ATG7: variants seen among roughly 807,000 people sequenced by gnomAD.
ATG7 encodes autophagy related 7.
ATG7 carries 70 observed loss-of-function variants against 82.4 expected under a neutral mutation model. The ratio of observed to expected loss-of-function variants is 0.85; its 90% CI spans 0.70 to 1.04. The LOEUF is 1.04. ATG7 is among the 50% of genes least tolerant of loss of function. The probability of loss-of-function intolerance (pLI) is 0.00; values close to 1 mark genes in which losing one functional copy is unlikely to be tolerated. For synonymous variants in ATG7, 287 were observed against 313.0 expected, an observed-to-expected ratio of 0.92 and a Z score of 0.88; for missense variants, 792 against 864.3, an observed-to-expected ratio of 0.92 and a Z score of 1.05.
At chr3:11,529,074 G>A (rs79543581) in intron 20 of ATG7, among the ~76,000 whole-genome samples, 18 of 151,828 alleles carry the variant, frequency 1.2e-4, no homozygotes, top group African/African-American at 4.1e-4. Flanking sequence ...AAAAGGGGGC[G>A]GTACATTCAG....
chr3:11,291,336 A>G (rs1944950862), intron 3 of ATG7, among the ~76,000 whole-genome samples: 1 of 152,232 alleles, frequency 6.6e-6, no homozygotes. Flanking sequence ...GCTTGTGAAT[A>G]ATTGGTTATT....
chr3:11,556,283 GC>G lies in ATG7; in HGVS notation c.*1441del, dbSNP rs1478539793. On this transcript the variant is annotated 3_prime_UTR_variant, in exon 21 of 21. Coordinates refer to ENST00000693202, the MANE Select transcript of ATG7 (RefSeq NM_001349232.2). ...AGCCCCTTCTTAGAGCAGGGAGGGGGCTTTCTCAGTGAAATGTTTGGTTTTC... is the reference window on the plus strand; with the variant it reads ...AGCCCCTTCTTAGAGCAGGGAGGGGGTTTCTCAGTGAAATGTTTGGTTTTC... 6.5e-6 allele frequency: 1 copy of G among 152,706 alleles called. No individual in the cohort carries two copies. Among genetic ancestry groups the G allele is most frequent in the Non-Finnish European group, 1.5e-5 (1 of 68,072 alleles). 9.5% of individuals were successfully genotyped at this position (152,706 alleles called of 1,614,324 possible).
At chr3:11,414,134 C>A (rs1311758273) in intron 19 of ATG7, among the ~76,000 whole-genome samples, 1 of 152,160 alleles carries the variant, frequency 6.6e-6, no homozygotes, top group Non-Finnish European at 1.5e-5. Context: ...GCCATCTTGG[C>A]TCACTGTAAC....
At chr3:11,319,014 T>G (rs1949842798) in intron 9 of ATG7, among the ~76,000 whole-genome samples, 1 of 152,188 alleles carries the variant, frequency 6.6e-6, no homozygotes, top group Non-Finnish European at 1.5e-5. Flanking sequence ...TGTGAGCAAC[T>G]TTAGCACAGA....
Position 11,383,633 on chromosome 3 carries a change from A to G in ATG7, c.1956+3581A>G, listed in dbSNP as rs190611934. On this transcript the variant is annotated intron_variant, in intron 19 of 20. Coordinates refer to ENST00000693202, the MANE Select transcript of ATG7 (RefSeq NM_001349232.2). Reference sequence around the variant, plus strand: ...CTGGCTAATTTTTTGTATTTTTAGTAGAGACAGGGTTTCACTCCATTGGCC... The same window carrying G: ...CTGGCTAATTTTTTGTATTTTTAGTGGAGACAGGGTTTCACTCCATTGGCC... 6.6e-4 allele frequency among the ~76,000 whole-genome samples: 101 copies of G among 152,224 alleles called. 1 individual carries two copies. Among genetic ancestry groups the G allele is most frequent in the African/African-American group, 2.3e-3 (96 of 41,534 alleles).
intron 20 of ATG7, among the ~76,000 whole-genome samples, chr3:11,513,635 T>C (rs931990858): frequency 2.0e-5 from 3 of 152,080 alleles, no homozygotes; most frequent in African/African-American, 7.2e-5. Context: ...CCTCCACACC[T>C]CCCTGCAAGC....
At chr3:11,397,864 C>T (rs1392676128) in intron 19 of ATG7, among the ~76,000 whole-genome samples, 2 of 151,226 alleles carry the variant, frequency 1.3e-5, no homozygotes, top group African/African-American at 4.8e-5. Context: ...GGGCGGATCA[C>T]CTGAGGTCAG....
intron 20 of ATG7, among the ~76,000 whole-genome samples, chr3:11,525,076 A>C (rs182081818): frequency 6.6e-6 from 1 of 150,958 alleles, no homozygotes; most frequent in South Asian, 2.1e-4. Flanking sequence ...TGGCTCTGTC[A>C]CCTAGGCTGG....
intron 20 of ATG7, among the ~76,000 whole-genome samples, chr3:11,465,557 C>G (rs2086746879): frequency 6.6e-6 from 1 of 151,258 alleles, no homozygotes; most frequent in Non-Finnish European, 1.5e-5. Flanking sequence ...CCAGCCTGGG[C>G]GTGAGTGAAA....
chr3:11,439,621 C>G (rs1279708663), intron 20 of ATG7, among the ~76,000 whole-genome samples: 1 of 152,162 alleles, frequency 6.6e-6, no homozygotes, highest in African/African-American at 2.4e-5. Context: ...GTCACTAGGA[C>G]TGCAAGGCAG....
intron 19 of ATG7, among the ~76,000 whole-genome samples, chr3:11,395,970 G>GGA (rs2079221818): frequency 1.7e-5 from 2 of 115,436 alleles, no homozygotes; most frequent in African/African-American, 6.9e-5. Flanking sequence ...AAAAAAGGTA[G>GGA]GGGGGGAAGA....
At chr3:11,309,662 A>C (rs555777917) in intron 7 of ATG7, among the ~76,000 whole-genome samples, 1 of 152,248 alleles carries the variant, frequency 6.6e-6, no homozygotes, top group East Asian at 1.9e-4. Flanking sequence ...GATACCAGCT[A>C]TGCATGCATG....
At chr3:11,387,568 G>C (rs996648391) in intron 19 of ATG7, among the ~76,000 whole-genome samples, 3 of 152,096 alleles carry the variant, frequency 2.0e-5, no homozygotes, top group Non-Finnish European at 4.4e-5. Context: ...CTTTTAGTTT[G>C]GAATTAATCT....
intron 19 of ATG7, among the ~76,000 whole-genome samples, chr3:11,387,961 G>A (rs1262663294): frequency 6.6e-6 from 1 of 151,914 alleles, no homozygotes; most frequent in Non-Finnish European, 1.5e-5. Flanking sequence ...CAGAGCAAAA[G>A]AAAAAATGCA....
chr3:11,435,954 G>A (rs916918612), intron 20 of ATG7, among the ~76,000 whole-genome samples: 5 of 152,190 alleles, frequency 3.3e-5, no homozygotes, highest in Admixed American at 1.3e-4. Flanking sequence ...GGAACTCTAA[G>A]CTGGGTGTGG....
At chr3:11,451,799 ACAAATT>A (rs2085170548) in intron 20 of ATG7, among the ~76,000 whole-genome samples, 1 of 121,514 alleles carries the variant, frequency 8.2e-6, no homozygotes, top group Non-Finnish European at 1.7e-5. Flanking sequence ...AAAAAAAAAA[ACAAATT>A]AAAAAAACCC....
At chr3:11,411,739 C>T (rs1185213833) in intron 19 of ATG7, among the ~76,000 whole-genome samples, 1 of 148,854 alleles carries the variant, frequency 6.7e-6, no homozygotes, top group African/African-American at 2.5e-5. Context: ...GAAATTCAGT[C>T]TATTTTTTTT....
intron 16 of ATG7, among the ~76,000 whole-genome samples, chr3:11,362,146 TAAGG>T (rs2076324493): frequency 6.6e-6 from 1 of 152,222 alleles, no homozygotes; most frequent in Non-Finnish European, 1.5e-5. Flanking sequence ...CATCTGCTCA[TAAGG>T]TAAAATTTTT....
rs1488397907 is a variant in ATG7, at chr3:11,272,432, T to TAAGTGAGCCGCGGC, written c.-366+3_-366+16dup. ...GTGGTTGCCGGAAGTTGAGCGGCGG[T>TAAGTGAGCCGCGGC]AAGTGAGCCGCGGCGGGCGAGGGTG... On this transcript the variant is annotated splice_region_variant and intron_variant, in intron 1 of 20. Transcript: ENST00000693202. 2.0e-5 allele frequency: 3 copies of TAAGTGAGCCGCGGC among 152,422 alleles called. No individual in the cohort carries two copies. Among genetic ancestry groups the TAAGTGAGCCGCGGC allele is most frequent in the Admixed American group, 6.5e-5 (1 of 15,278 alleles). 9.4% of individuals were successfully genotyped at this position (152,422 alleles called of 1,614,324 possible).
Sources: allele counts gnomAD v4.1 joint callset (sites outside exome capture counted in the v4.1 genomes callset), GRCh38; gene constraint gnomAD v4.1.1; transcripts MANE v1.5; gene names NCBI Gene and HGNC (gene_info 2026-07-23, HGNC 2026-07-21).